Variants in PTGIS observed in about 807,000 individuals in gnomAD.
The protein encoded by PTGIS is prostaglandin I2 synthase.
A neutral mutation model predicts 50.3 loss-of-function variants in PTGIS; 45 were observed. The observed-to-expected ratio is 0.90, with a 90% confidence interval of 0.70 to 1.15. The LOEUF is 1.15. PTGIS is among the 50% of genes most tolerant of loss of function. The pLI, the probability that PTGIS is intolerant of heterozygous loss-of-function variation, is 0.00. For missense variants in PTGIS, 668 were observed against 661.3 expected (o/e 1.01, Z -0.11); for synonymous variants, 260 against 267.7 (o/e 0.97, Z 0.28).
chr20:49,519,029 G>A (rs1601182602), intron 6 of PTGIS, among the ~76,000 whole-genome samples: 1 of 152,324 alleles, frequency 6.6e-6, no homozygotes, highest in East Asian at 1.9e-4. Context: ...GGATGGGGCT[G>A]AGGGACATCA....
intron 1 of PTGIS, among the ~76,000 whole-genome samples, chr20:49,558,735 T>C (rs1233694564): frequency 1.4e-5 from 2 of 147,160 alleles, no homozygotes; most frequent in African/African-American, 5.1e-5. Flanking sequence ...TTTTTTGAGA[T>C]GGAGTTTTGC....
In PTGIS at chr20:49,568,100, A is replaced by G; in HGVS notation, c.17T>C (p.Leu6Pro). 2.5e-6 allele frequency: 3 copies of G among 1,190,518 alleles called. No homozygotes were observed. Among genetic ancestry groups the G allele is most frequent in the Non-Finnish European group, 3.2e-6 (3 of 927,152 alleles). 73.7% of individuals were successfully genotyped at this position (1,190,518 alleles called of 1,614,324 possible). A position where few individuals can be genotyped will look rare whatever the true frequency, so the allele number is the denominator to read the frequency against. Residue 6 changes from leucine (L) to proline (P), a missense_variant, in exon 1 of 10, where the codon CTC becomes CCC. Transcript: ENST00000244043. ...CAACAGTGCGGCCAGGAGGCCGAGG[A>G]GCGCGGCCCAAGCCATCGCGGGGCT... Reference protein sequence around the residue: MAWAALLGLLAALLLL... With the variant: MAWAAPLGLLAALLLL...
intron 4 of PTGIS, among the ~76,000 whole-genome samples, 185 bp downstream of exon 4, chr20:49,544,120 T>G (rs1209548673): frequency 1.3e-5 from 2 of 152,236 alleles, no homozygotes; most frequent in African/African-American, 2.4e-5. Flanking sequence ...TTACAGTTCA[T>G]GAGCTAGGTC....
At chr20:49,525,166 T>C (rs144411942) in intron 5 of PTGIS, among the ~76,000 whole-genome samples, 61 of 152,090 alleles carry the variant, frequency 4.0e-4, no homozygotes, top group Non-Finnish European at 5.6e-4. Context: ...GCAGGCCAAG[T>C]AAAAGAGAGA....
chr20:49,520,101 T>C (rs1415736147), intron 6 of PTGIS, among the ~76,000 whole-genome samples: 1 of 152,226 alleles, frequency 6.6e-6, no homozygotes, highest in Non-Finnish European at 1.5e-5. Flanking sequence ...GCCCTCCCCA[T>C]GGCCTACAGG....
chr20:49,517,211 C>T (rs6012683), intron 6 of PTGIS, among the ~76,000 whole-genome samples: 13,369 of 152,278 alleles, frequency 0.088, 1,878 homozygotes, highest in African/African-American at 0.3. Context: ...GCAAGGTCAC[C>T]TGCTGTCCAT....
At chr20:49,511,365 A>G (rs1032239910) in intron 8 of PTGIS, among the ~76,000 whole-genome samples, 186 bp from the exon 9 acceptor site, 2 of 152,234 alleles carry the variant, frequency 1.3e-5, no homozygotes, top group African/African-American at 4.8e-5. Context: ...TGACATGGAA[A>G]GAATTTCTAC....
chr20:49,523,648 A>G lies in PTGIS; in HGVS notation c.855+410T>C, dbSNP rs2122854261. On this transcript the variant is annotated intron_variant, in intron 6 of 9. Transcript: ENST00000244043. ...ACAAAAATTAGCCAGGCATGGTGGC[A>G]GGCAACTGTGGTCCCAGCTACTCGG... 1.3e-5 allele frequency among the ~76,000 whole-genome samples: 2 copies of G among 152,158 alleles called. 1 individual carries two copies. Among genetic ancestry groups the G allele is most frequent in the South Asian group, 4.2e-4 (2 of 4,812 alleles).
At chr20:49,555,214 A>C (rs1320386897) in intron 1 of PTGIS, among the ~76,000 whole-genome samples, 1 of 152,152 alleles carries the variant, frequency 6.6e-6, no homozygotes, top group Non-Finnish European at 1.5e-5. Flanking sequence ...TGGAGGTTGC[A>C]GTGAGCCAAG....
intron 1 of PTGIS, among the ~76,000 whole-genome samples, chr20:49,565,137 A>AT (rs1299311049): frequency 2.3e-5 from 2 of 88,246 alleles, no homozygotes; most frequent in African/African-American, 5.1e-5. Flanking sequence ...CGCCCGGCTA[A>AT]TTTTTTTTGT....
chr20:49,564,784 A>AG (rs1982854233), intron 1 of PTGIS, among the ~76,000 whole-genome samples: 1 of 152,124 alleles, frequency 6.6e-6, no homozygotes, highest in Admixed American at 6.5e-5. Context: ...TAATTTTTGT[A>AG]TGACCTTGGG....
intron 8 of PTGIS, 133 bp from the exon 9 acceptor site, chr20:49,511,312 T>G: frequency 1.0e-6 from 1 of 997,254 alleles, no homozygotes; most frequent in Non-Finnish European, 1.5e-6. Context: ...GGTCAATTGA[T>G]AGGGGATTGG....
chr20:49,539,542 C>CA (rs1213835270), intron 5 of PTGIS, 28 bp downstream of exon 5: 1 of 1,609,608 alleles, frequency 6.2e-7, no homozygotes, highest in Non-Finnish European at 8.5e-7. Context: ...TCCTCCCCCC[C>CA]ACCCACTGGG....
intron 3 of PTGIS, 76 bp downstream of exon 3, chr20:49,547,765 G>A (rs1408843078): frequency 8.6e-6 from 13 of 1,510,818 alleles, no homozygotes; most frequent in Non-Finnish European, 1.1e-5. Flanking sequence ...TTGGAACCAA[G>A]AATAACTTGG....
intron 5 of PTGIS, among the ~76,000 whole-genome samples, chr20:49,526,873 G>A (rs1441362273): frequency 6.6e-6 from 1 of 152,198 alleles, no homozygotes; most frequent in Non-Finnish European, 1.5e-5. Context: ...TGCATTGCTG[G>A]TGGGAATGTA....
At position 49,564,986 on chromosome 20, in the gene PTGIS, T is replaced by C. The variant is rs573579532; in HGVS notation, c.74+3057A>G. Among the ~76,000 whole-genome samples the C allele has an allele frequency of 3.3e-5, 5 of 151,190 alleles. No homozygotes were observed. The East Asian group carries it at 9.7e-4, about 29-fold the overall frequency. ...ACTTGTTTGCCCTTTTTTTTTTTTT[T>C]TTTTGAGATGGAGTCGCTCTGTCGC... On this transcript the variant is annotated intron_variant, in intron 1 of 9. Transcript: ENST00000244043.
At chr20:49,513,586 T>A (rs1297484912) in intron 7 of PTGIS, among the ~76,000 whole-genome samples, 1 of 152,036 alleles carries the variant, frequency 6.6e-6, no homozygotes, top group Non-Finnish European at 1.5e-5. Flanking sequence ...ATATTTCTCT[T>A]CTGGAAACGG....
chr20:49,538,957 C>T (rs779726043), intron 5 of PTGIS, among the ~76,000 whole-genome samples: 1 of 152,114 alleles, frequency 6.6e-6, no homozygotes, highest in Non-Finnish European at 1.5e-5. Flanking sequence ...GCTGGGATTA[C>T]AGGTGTGAGC....
In PTGIS at chr20:49,505,573, G is replaced by A. The variant is rs959055002; in HGVS notation, c.*2347C>T. ...CAACCCAGCCTGATTTGGAAGGGGG[G>A]AGTCATAAGGGTTTTCGCCCAGCAC... On this transcript the variant is annotated 3_prime_UTR_variant, in exon 10 of 10. Transcript: ENST00000244043. 1 of 152,644 alleles carries A rather than the reference G, an allele frequency of 6.6e-6. No individual in the cohort carries two copies. Among genetic ancestry groups the A allele is most frequent in the Admixed American group, 6.5e-5 (1 of 15,278 alleles). 9.5% of individuals were successfully genotyped at this position (152,644 alleles called of 1,614,324 possible).
Sources: gnomAD v4.1 joint callset for allele counts (sites outside exome capture counted in the v4.1 genomes callset) on GRCh38, gnomAD v4.1.1 for gene constraint, MANE v1.5 for transcripts, NCBI Gene and HGNC (gene_info 2026-07-23, HGNC 2026-07-21) for gene names.